MDFIC: variants seen among roughly 807,000 people sequenced by gnomAD.
MDFIC encodes MyoD family inhibitor domain containing, also known as myoD family inhibitor domain-containing protein.
A neutral mutation model predicts 23.2 loss-of-function variants in MDFIC; 17 were observed. That is an observed-to-expected ratio of 0.73 (90% CI 0.50 to 1.10). The LOEUF is 1.10. Ranked by LOEUF, MDFIC falls within the 50% of genes least tolerant of loss-of-function variation. The pLI, the probability that MDFIC is intolerant of heterozygous loss-of-function variation, is 0.00. For synonymous variants in MDFIC, 120 were observed against 115.2 expected (o/e 1.04, Z -0.27); for missense variants, 356 against 316.6 (o/e 1.12, Z -0.95).
At chr7:114,991,849 A>G (rs1374019178) in intron 4 of MDFIC, among the ~76,000 whole-genome samples, 3 of 152,162 alleles carry the variant, frequency 2.0e-5, no homozygotes, top group Non-Finnish European at 2.9e-5. Flanking sequence ...TTTTGGTTCC[A>G]TATGAACTTT....
chr7:114,972,557 T>G (rs1171088627), intron 3 of MDFIC, among the ~76,000 whole-genome samples: 2 of 152,174 alleles, frequency 1.3e-5, no homozygotes, highest in African/African-American at 4.8e-5. Context: ...CAAAACTACA[T>G]GATATCATTA....
intron 3 of MDFIC, among the ~76,000 whole-genome samples, chr7:114,957,602 C>T (rs1435139328): frequency 5.9e-5 from 9 of 152,060 alleles, no homozygotes; most frequent in Non-Finnish European, 4.4e-5. Context: ...AGTTTCAGTT[C>T]CCTTTGAGAG....
At chr7:114,940,407 A>G (rs1448066990) in intron 2 of MDFIC, among the ~76,000 whole-genome samples, 1 of 152,248 alleles carries the variant, frequency 6.6e-6, no homozygotes, top group Non-Finnish European at 1.5e-5. Context: ...AAATGTTAAC[A>G]CGGTTGACTA....
At chr7:114,978,685 A>G (rs1422480684) in intron 3 of MDFIC, among the ~76,000 whole-genome samples, 1 of 151,946 alleles carries the variant, frequency 6.6e-6, no homozygotes, top group Non-Finnish European at 1.5e-5. Context: ...TAGATTATAT[A>G]TATACTATAT....
At chr7:114,967,418 G>T (rs748844933) in intron 3 of MDFIC, among the ~76,000 whole-genome samples, 1 of 152,214 alleles carries the variant, frequency 6.6e-6, no homozygotes, top group East Asian at 1.9e-4. Context: ...GCCTGAAGCT[G>T]CATCATAGAC....
intron 4 of MDFIC, chr7:115,014,340 G>A: frequency 7.9e-7 from 1 of 1,262,770 alleles, no homozygotes; most frequent in Non-Finnish European, 1.0e-6. Context: ...ATAGTAGAGG[G>A]ATTCTGTCAA....
chr7:114,931,162 G>T (rs1792301340), intron 2 of MDFIC, among the ~76,000 whole-genome samples: 1 of 152,102 alleles, frequency 6.6e-6, no homozygotes, highest in Non-Finnish European at 1.5e-5. Flanking sequence ...TACATGTCCT[G>T]AAGGAGGAAA....
At chr7:114,975,984 A>G (rs2115941019) in intron 3 of MDFIC, among the ~76,000 whole-genome samples, 1 of 152,268 alleles carries the variant, frequency 6.6e-6, no homozygotes, top group East Asian at 1.9e-4. Flanking sequence ...ATCTGCCAAC[A>G]GAAATGGATA....
At chr7:114,959,206 G>A (rs976982041) in intron 3 of MDFIC, among the ~76,000 whole-genome samples, 1 of 152,074 alleles carries the variant, frequency 6.6e-6, no homozygotes, top group Middle Eastern at 3.2e-3. Context: ...CTACAGCTCT[G>A]GTATGACTGA....
chr7:115,011,425 A>G (rs999394270), intron 4 of MDFIC, among the ~76,000 whole-genome samples: 2 of 152,236 alleles, frequency 1.3e-5, no homozygotes, highest in African/African-American at 4.8e-5. Context: ...TGAAAACAGC[A>G]AATAAATACT....
At chr7:114,956,608 T>G (rs1476572744) in intron 3 of MDFIC, among the ~76,000 whole-genome samples, 1 of 152,144 alleles carries the variant, frequency 6.6e-6, no homozygotes, top group Non-Finnish European at 1.5e-5. Flanking sequence ...GAAGGCATTA[T>G]GATTCTATAG....
intron 4 of MDFIC, chr7:115,014,676 C>A: frequency 2.0e-6 from 1 of 499,904 alleles, no homozygotes; most frequent in Non-Finnish European, 2.9e-6. Flanking sequence ...TAAAAATTCA[C>A]AACTATTTCT....
Position 114,922,493 on chromosome 7 carries a change from GA to G in MDFIC, c.-250del. ...TCTGGGCTGAGCCGGAGGGAGGCGG[GA>G]GGACGCGCAGGGGCGGCCGCCGCCG... On this transcript the variant is annotated 5_prime_UTR_variant, in exon 1 of 5. Coordinates refer to ENST00000393486, the MANE Select transcript of MDFIC (RefSeq NM_001166345.3). 1 of 1,255,162 alleles carries G rather than the reference GA, an allele frequency of 8.0e-7. No individual in the cohort carries two copies. The highest frequency in any genetic ancestry group is 1.0e-6 in the Non-Finnish European group (1 of 993,464). 77.8% of individuals were successfully genotyped at this position (1,255,162 alleles called of 1,614,324 possible). A position where few individuals can be genotyped will look rare whatever the true frequency, so the allele number is the denominator to read the frequency against.
At chr7:114,931,318 C>T (rs1792304479) in intron 2 of MDFIC, among the ~76,000 whole-genome samples, 1 of 152,160 alleles carries the variant, frequency 6.6e-6, no homozygotes, top group East Asian at 1.9e-4. Flanking sequence ...CAGTCTACTT[C>T]TGTTTTCAGA....
At chr7:114,922,824 G>T (rs1792111827) in intron 1 of MDFIC, 103 bp from the exon 2 acceptor site, 1 of 1,379,782 alleles carries the variant, frequency 7.2e-7, no homozygotes, top group Admixed American at 2.5e-5. Context: ...CCCCGGGGTG[G>T]AGTTTGAGGG....
chr7:114,938,962 G>T (rs1792487362), intron 2 of MDFIC, among the ~76,000 whole-genome samples: 1 of 152,152 alleles, frequency 6.6e-6, no homozygotes, highest in South Asian at 2.1e-4. Context: ...GTAATGAGTA[G>T]TGGCTGACTC....
intron 2 of MDFIC, among the ~76,000 whole-genome samples, chr7:114,927,191 C>G (rs1792208875): frequency 6.6e-6 from 1 of 152,170 alleles, no homozygotes; most frequent in Admixed American, 6.5e-5. Flanking sequence ...GAATTAGGAT[C>G]TCTGGATGTA....
intron 4 of MDFIC, among the ~76,000 whole-genome samples, chr7:115,002,073 G>A (rs1488489922): frequency 1.3e-5 from 2 of 152,100 alleles, no homozygotes; most frequent in East Asian, 1.9e-4. Context: ...GGAGGCAGAG[G>A]TTGCCGTGTG....
chr7:114,973,829 G>A (rs1317096162), intron 3 of MDFIC, among the ~76,000 whole-genome samples: 2 of 152,118 alleles, frequency 1.3e-5, no homozygotes, highest in African/African-American at 2.4e-5. Flanking sequence ...TCCCAGCCAG[G>A]TAGTTACAGA....
Sources: allele counts gnomAD v4.1 joint callset (sites outside exome capture counted in the v4.1 genomes callset), GRCh38; gene constraint gnomAD v4.1.1; transcripts MANE v1.5; gene names NCBI Gene and HGNC (gene_info 2026-07-23, HGNC 2026-07-21).